CAMK2B: variants seen among roughly 807,000 people sequenced by gnomAD.
CAMK2B encodes calcium/calmodulin-dependent protein kinase type II subunit beta.
A neutral mutation model predicts 93.7 loss-of-function variants in CAMK2B; 27 were observed. That is an observed-to-expected ratio of 0.29 (90% CI 0.21 to 0.40). The LOEUF is 0.40. Among genes scored for constraint, CAMK2B ranks in the 10% least tolerant of loss-of-function variants. The probability of loss-of-function intolerance (pLI) is 1.00; values close to 1 mark genes in which losing one functional copy is unlikely to be tolerated. For synonymous variants in CAMK2B, 374 were observed against 358.8 expected, an observed-to-expected ratio of 1.04 and a Z score of -0.48; for missense variants, 568 against 895.8, an observed-to-expected ratio of 0.63 and a Z score of 4.67.
intron 2 of CAMK2B, among the ~76,000 whole-genome samples, chr7:44,265,243 G>T (rs1018806176): frequency 1.3e-5 from 2 of 152,338 alleles, no homozygotes; most frequent in South Asian, 4.1e-4. Flanking sequence ...GCACTCAGGT[G>T]CGTCTCATAA....
intron 6 of CAMK2B, 66 bp downstream of exon 6, chr7:44,247,054 C>T: frequency 1.5e-6 from 2 of 1,354,100 alleles, no homozygotes; most frequent in Non-Finnish European, 1.1e-6. Flanking sequence ...GCCCCTCACA[C>T]TTCCTTGTAC....
At chr7:44,313,626 C>G (rs1324426658) in intron 1 of CAMK2B, among the ~76,000 whole-genome samples, 2 of 150,990 alleles carry the variant, frequency 1.3e-5, no homozygotes, top group East Asian at 2.0e-4. Flanking sequence ...TAAGGTGGTA[C>G]AGACGGCATC....
rs181050750 is a variant in CAMK2B at position 44,230,554 on chromosome 7, C to T, written c.1225+452G>A. ...TGGAATCTGTGGTGCAGAAACCCAC[C>T]GCAGCAGGACACTCCTGGCTAAGCA... On this transcript the variant is annotated intron_variant, in intron 17 of 23. Coordinates refer to ENST00000395749, the MANE Select transcript of CAMK2B (RefSeq NM_001220.5). Among the ~76,000 whole-genome samples the T allele has an allele frequency of 3.4e-3, 521 of 152,276 alleles. 3 individuals carry two copies. The highest frequency in any genetic ancestry group is 7.9e-3 in the African/African-American group (329 of 41,556).
intron 1 of CAMK2B, among the ~76,000 whole-genome samples, chr7:44,285,965 G>A (rs370370202): frequency 1.2e-3 from 183 of 151,990 alleles, no homozygotes; most frequent in African/African-American, 3.9e-3. Flanking sequence ...CATCAGTTAC[G>A]TTCTCATAAT....
intron 1 of CAMK2B, among the ~76,000 whole-genome samples, chr7:44,297,774 T>C (rs577211688): frequency 5.9e-5 from 9 of 152,200 alleles, no homozygotes; most frequent in Admixed American, 4.6e-4. Context: ...ATGGTCAAAA[T>C]AATCTTGAAA....
chr7:44,316,475 G>A (rs1223524206), intron 1 of CAMK2B, among the ~76,000 whole-genome samples: 1 of 152,154 alleles, frequency 6.6e-6, no homozygotes, highest in African/African-American at 2.4e-5. Flanking sequence ...AGTGATAACA[G>A]TCTGTAGTTT....
rs948245608 is a variant in CAMK2B at position 44,224,775 on chromosome 7, G to T, written c.1597+1741C>A. ...TAGAGAGCGTGGGTGGGGAGGAGAC[G>T]GGGCCTGAGGCGGGCCGTGGGCACC... On this transcript the variant is annotated intron_variant, in intron 20 of 23. Coordinates refer to ENST00000395749, the MANE Select transcript of CAMK2B (RefSeq NM_001220.5). The surrounding 1 kb of genome is among the most constrained non-coding windows in gnomAD (Gnocchi z 4.4). Among the ~76,000 whole-genome samples the T allele has an allele frequency of 6.6e-6, 1 of 152,066 alleles. No homozygotes were observed. The highest frequency in any genetic ancestry group is 1.9e-4 in the East Asian group (1 of 5,190).
At chr7:44,255,398 G>C (rs985422515) in intron 4 of CAMK2B, among the ~76,000 whole-genome samples, 4 of 152,174 alleles carry the variant, frequency 2.6e-5, no homozygotes, top group Non-Finnish European at 4.4e-5. Flanking sequence ...GGAGTAGGAC[G>C]GAGCCCTCTG....
At chr7:44,284,725 C>T (rs141818525) in intron 1 of CAMK2B, among the ~76,000 whole-genome samples, 103 of 152,306 alleles carry the variant, frequency 6.8e-4, no homozygotes, top group Non-Finnish European at 1.1e-3. Flanking sequence ...CTCCAGAGGG[C>T]AGTTATATTG....
At chr7:44,253,289 C>G (rs1328816061) in intron 5 of CAMK2B, among the ~76,000 whole-genome samples, 1 of 151,360 alleles carries the variant, frequency 6.6e-6, no homozygotes, top group Non-Finnish European at 1.5e-5. Flanking sequence ...TCTCAGCTCA[C>G]TGCAAACTCC....
intron 15 of CAMK2B, among the ~76,000 whole-genome samples, chr7:44,233,736 C>T (rs916974508): frequency 1.3e-5 from 2 of 152,186 alleles, no homozygotes; most frequent in Admixed American, 6.5e-5. Context: ...GCAGTTGGAG[C>T]GGAGCATGGT....
intron 2 of CAMK2B, among the ~76,000 whole-genome samples, chr7:44,267,729 T>C (rs939382817): frequency 6.6e-6 from 1 of 152,144 alleles, no homozygotes; most frequent in African/African-American, 2.4e-5. Flanking sequence ...AAATACAGCA[T>C]TCATTTATAC....
intron 1 of CAMK2B, among the ~76,000 whole-genome samples, chr7:44,309,703 G>T (rs1467228322): frequency 6.6e-6 from 1 of 152,208 alleles, no homozygotes; most frequent in African/African-American, 2.4e-5. Flanking sequence ...GAGCGCCCGC[G>T]GGGGACCAGT....
intron 20 of CAMK2B, 87 bp from the exon 21 acceptor site, chr7:44,220,988 A>AG: frequency 9.1e-7 from 1 of 1,104,942 alleles, no homozygotes; most frequent in African/African-American, 1.6e-5. Context: ...GGCCTGGGGG[A>AG]GCGCGAGCTG....
At chr7:44,283,178 C>T (rs1165562571) in intron 2 of CAMK2B, among the ~76,000 whole-genome samples, 1 of 152,266 alleles carries the variant, frequency 6.6e-6, no homozygotes, top group Admixed American at 6.5e-5. Flanking sequence ...CCCACCACCT[C>T]CTCAGATCTG....
At chr7:44,269,097 C>T (rs1442080118) in intron 2 of CAMK2B, among the ~76,000 whole-genome samples, 1 of 152,206 alleles carries the variant, frequency 6.6e-6, no homozygotes, top group African/African-American at 2.4e-5. Context: ...AGAGATGGAG[C>T]TGACGGGAAG....
chr7:44,256,210 G>C (rs536625176), intron 4 of CAMK2B, among the ~76,000 whole-genome samples: 1 of 152,234 alleles, frequency 6.6e-6, no homozygotes, highest in African/African-American at 2.4e-5. Flanking sequence ...CAGTGTTGAC[G>C]GGGCCCTTCC....
intron 1 of CAMK2B, among the ~76,000 whole-genome samples, chr7:44,298,932 T>C (rs1361925066): frequency 6.6e-6 from 1 of 152,062 alleles, no homozygotes; most frequent in African/African-American, 2.4e-5. Context: ...GGAACCCTTG[T>C]GCATTGCTGG....
intron 2 of CAMK2B, among the ~76,000 whole-genome samples, chr7:44,264,600 C>G (rs1584378282): frequency 6.6e-6 from 1 of 152,164 alleles, no homozygotes; most frequent in Non-Finnish European, 1.5e-5. Context: ...GGAGTCAGAC[C>G]CCATCCCGCT....
Sources: gnomAD v4.1 joint callset for allele counts (sites outside exome capture counted in the v4.1 genomes callset) on GRCh38, gnomAD v4.1.1 for gene constraint, Gnocchi (gnomAD v3.1) non-coding constraint, MANE v1.5 for transcripts, NCBI Gene and HGNC (gene_info 2026-07-23, HGNC 2026-07-21) for gene names.